Variants in PXDN observed in about 807,000 individuals in gnomAD.
PXDN encodes peroxidasin homolog.
A neutral mutation model predicts 140.3 loss-of-function variants in PXDN; 77 were observed. The ratio of observed to expected loss-of-function variants is 0.55; its 90% CI spans 0.46 to 0.66. The LOEUF is 0.66. PXDN is among the 30% of genes least tolerant of loss of function. PXDN has a pLI of 0.00. For missense variants in PXDN, 1,838 were observed against 2,039.5 expected (o/e 0.90, Z 1.90); for synonymous variants, 911 against 857.4 (o/e 1.06, Z -1.09).
chr2:1,673,448 C>G (rs774258124), intron 9 of PXDN, among the ~76,000 whole-genome samples, 195 bp downstream of exon 9: 2 of 152,160 alleles, frequency 1.3e-5, no homozygotes, highest in African/African-American at 2.4e-5. Context: ...GAGGGGCTAA[C>G]TGGGGACCAC....
rs752552463 is a variant in PXDN at position 1,653,680 on chromosome 2, C to G, written c.2052G>C (p.Gln684His). ...CATGCTGTACATGCTCCTGAATGAG[C>G]TGCAATGTCCGTTCAAAGATTTCTC... ...RAGEIFERTL[Q>H]LIQEHVQHGL... is the part of the protein sequence containing the mutation. Residue 684 changes from glutamine to histidine, a missense_variant, in exon 16 of 23, where the codon CAG (glutamine) becomes CAC (histidine). By Grantham distance (24) the Gln-to-His change is conservative. Transcript: ENST00000252804. The G allele has an allele frequency of 6.2e-7, 1 of 1,611,900 alleles. No individual in the cohort carries two copies. Among genetic ancestry groups the G allele is most frequent in the Non-Finnish European group, 8.5e-7 (1 of 1,179,178 alleles).
intron 1 of PXDN, among the ~76,000 whole-genome samples, chr2:1,699,348 T>C (rs567695101): frequency 3.4e-4 from 52 of 152,172 alleles, no homozygotes; most frequent in African/African-American, 1.2e-3. Flanking sequence ...ATTTTTAAAA[T>C]AAAACAATCT....
chr2:1,743,788 A>G (rs1189650281), intron 1 of PXDN, among the ~76,000 whole-genome samples: 2 of 100,416 alleles, frequency 2.0e-5, no homozygotes, highest in South Asian at 8.2e-4. Context: ...GGCTGGGAGG[A>G]CGGAGGGGGC....
At position 1,735,083 on chromosome 2, in the gene PXDN, G is replaced by A. The variant is rs760399827; in HGVS notation, c.200+9173C>T. Among the ~76,000 whole-genome samples, 4 of 152,264 alleles carry A rather than the reference G, an allele frequency of 2.6e-5. No individual in the cohort carries two copies. In the East Asian group the frequency reaches 7.7e-4, roughly 29 times the overall value. ...TAGACACAACTCCCCCTCTGTTCTA[G>A]TTTATCATGAAGTTGCAGCAATTCT... On this transcript the variant is annotated intron_variant, in intron 1 of 22. Transcript: ENST00000252804.
chr2:1,663,827 T>C, intron 11 of PXDN, 64 bp from the exon 12 acceptor site: 1 of 1,567,942 alleles, frequency 6.4e-7, no homozygotes, highest in Non-Finnish European at 8.6e-7. Flanking sequence ...GCTCTCAGAC[T>C]GACAGCATGA....
intron 1 of PXDN, among the ~76,000 whole-genome samples, chr2:1,710,983 TCCACCAGCACCCA>T (rs1490370117): frequency 8.4e-5 from 7 of 83,338 alleles, no homozygotes; most frequent in Non-Finnish European, 9.9e-5. Context: ...CAGCACCCGC[TCCACCAGCACCCA>T]CTCCACCAGC....
At chr2:1,710,755 GCACCCAC>G (rs2125468720) in intron 1 of PXDN, among the ~76,000 whole-genome samples, 1 of 60,400 alleles carries the variant, frequency 1.7e-5, no homozygotes, top group Admixed American at 1.9e-4. Flanking sequence ...CACTCCACCA[GCACCCAC>G]TCCACCAGCA....
intron 1 of PXDN, among the ~76,000 whole-genome samples, chr2:1,727,879 G>T (rs2125487118): frequency 6.6e-6 from 1 of 152,364 alleles, no homozygotes; most frequent in East Asian, 1.9e-4. Context: ...ATTGGTTAAG[G>T]ACTGCTAAAC....
intron 6 of PXDN, among the ~76,000 whole-genome samples, chr2:1,680,936 G>A (rs1683886188): frequency 6.6e-6 from 1 of 152,176 alleles, no homozygotes; most frequent in Admixed American, 6.5e-5. Context: ...CTAGTGAGTG[G>A]CACATCCTGT....
At chr2:1,655,529 CCA>C (rs946774232) in intron 14 of PXDN, among the ~76,000 whole-genome samples, 2 of 151,682 alleles carry the variant, frequency 1.3e-5, no homozygotes, top group African/African-American at 4.8e-5. Context: ...CACACAGACA[CCA>C]CACACACACA....
intron 1 of PXDN, among the ~76,000 whole-genome samples, chr2:1,721,588 G>A (rs536893247): frequency 2.0e-5 from 3 of 152,324 alleles, no homozygotes; most frequent in East Asian, 3.9e-4. Context: ...TGTAATCCCA[G>A]CACTTTGGGA....
chr2:1,711,253 C>A (rs1225187731), intron 1 of PXDN, among the ~76,000 whole-genome samples: 1 of 114,066 alleles, frequency 8.8e-6, no homozygotes, highest in African/African-American at 3.7e-5. Context: ...AGCATCCACT[C>A]TACCAGCACC....
At chr2:1,701,810 C>T (rs1447024861) in intron 1 of PXDN, among the ~76,000 whole-genome samples, 1 of 152,152 alleles carries the variant, frequency 6.6e-6, no homozygotes, top group African/African-American at 2.4e-5. Flanking sequence ...GTGGTGCCCC[C>T]AGGGTGGGAT....
intron 1 of PXDN, among the ~76,000 whole-genome samples, chr2:1,729,761 A>G (rs1461051900): frequency 6.6e-6 from 1 of 152,260 alleles, no homozygotes; most frequent in Non-Finnish European, 1.5e-5. Context: ...AACAATCTAG[A>G]CAGACACACA....
At chr2:1,741,159 G>A (rs1431829808) in intron 1 of PXDN, among the ~76,000 whole-genome samples, 6 of 152,136 alleles carry the variant, frequency 3.9e-5, no homozygotes, top group East Asian at 1.9e-4. Flanking sequence ...CCCTAGCGGC[G>A]TGACCGTGAA....
At position 1,717,428 on chromosome 2, in the gene PXDN, A is replaced by T. The variant is rs568534034; in HGVS notation, c.201-24294T>A. Reference sequence around the variant, plus strand: ...GCAGCTTTTCCTGACTGGTAACCACACAACCAGGAAACAATGGGTCCACAC... The same window carrying T: ...GCAGCTTTTCCTGACTGGTAACCACTCAACCAGGAAACAATGGGTCCACAC... On this transcript the variant is annotated intron_variant, in intron 1 of 22. Transcript: ENST00000252804. 2.6e-5 allele frequency among the ~76,000 whole-genome samples: 4 copies of T among 152,280 alleles called. No homozygotes were observed. In the South Asian group the frequency reaches 8.3e-4, roughly 32 times the overall value.
intron 19 of PXDN, among the ~76,000 whole-genome samples, chr2:1,641,812 G>C (rs1035042525): frequency 6.6e-6 from 1 of 152,154 alleles, no homozygotes; most frequent in Admixed American, 6.5e-5. Context: ...CAGAAAGCCT[G>C]GCTGTACTTC....
chr2:1,686,531 G>A (rs1684061666), intron 4 of PXDN, among the ~76,000 whole-genome samples: 1 of 152,132 alleles, frequency 6.6e-6, no homozygotes, highest in African/African-American at 2.4e-5. Context: ...TTGCTATGAA[G>A]ATTTGCTCGC....
chr2:1,720,614 T>TCTCTCTGCATCTCTTTCTCC, intron 1 of PXDN, among the ~76,000 whole-genome samples: 1 of 151,918 alleles, frequency 6.6e-6, no homozygotes, highest in African/African-American at 2.4e-5. Context: ...CAGATACAGC[T>TCTCTCTGCATCTCTTTCTCC]CTCTCTGCAT....
Sources: allele counts gnomAD v4.1 joint callset (sites outside exome capture counted in the v4.1 genomes callset), GRCh38; gene constraint gnomAD v4.1.1; transcripts MANE v1.5; gene names NCBI Gene and HGNC (gene_info 2026-07-23, HGNC 2026-07-21).